Variants in CTNNA2 observed in about 807,000 individuals in gnomAD.
CTNNA2 encodes catenin alpha-2.
A neutral mutation model predicts 101.0 loss-of-function variants in CTNNA2; 42 were observed. That is an observed-to-expected ratio of 0.42 (90% CI 0.32 to 0.54). The LOEUF (loss-of-function observed/expected upper bound fraction) is 0.54. Among genes scored for constraint, CTNNA2 ranks in the 20% least tolerant of loss-of-function variants. The pLI, the probability that CTNNA2 is intolerant of heterozygous loss-of-function variation, is 0.14. For missense variants in CTNNA2, 871 were observed against 1,223.1 expected (o/e 0.71, Z 4.29); for synonymous variants, 450 against 456.4 (o/e 0.99, Z 0.18).
At chr2:79,274,240 G>A (rs1020399890) in intron 2 of CTNNA2, among the ~76,000 whole-genome samples, 2 of 151,962 alleles carry the variant, frequency 1.3e-5, no homozygotes, top group Admixed American at 1.3e-4. Context: ...TTAAAGATGA[G>A]GAAACAGGCC....
chr2:80,406,009 G>A (rs1464237544), intron 8 of CTNNA2, among the ~76,000 whole-genome samples: 1 of 152,198 alleles, frequency 6.6e-6, no homozygotes, highest in Non-Finnish European at 1.5e-5. Flanking sequence ...GCTGCCTTAA[G>A]TAGTAGCTAC....
At chr2:80,638,601 ATGCCT>A (rs1206370683) in intron 18 of CTNNA2, among the ~76,000 whole-genome samples, 1 of 152,174 alleles carries the variant, frequency 6.6e-6, no homozygotes, top group African/African-American at 2.4e-5. Flanking sequence ...GTTAGAAAGA[ATGCCT>A]TGTTTCGGGT....
chr2:79,531,812 G>A (rs1335774459), intron 1 of CTNNA2, among the ~76,000 whole-genome samples: 3 of 151,478 alleles, frequency 2.0e-5, no homozygotes, highest in African/African-American at 7.3e-5. Flanking sequence ...TTCCTGAGTT[G>A]CTGGGATTAC....
chr2:79,629,789 A>C (rs1679564954), intron 1 of CTNNA2, among the ~76,000 whole-genome samples: 3 of 151,940 alleles, frequency 2.0e-5, no homozygotes, highest in Non-Finnish European at 4.4e-5. Flanking sequence ...ACTTTTTTTA[A>C]TTTTCTGAAT....
chr2:79,356,138 A>G (rs1056354081), intron 3 of CTNNA2, among the ~76,000 whole-genome samples: 1 of 151,556 alleles, frequency 6.6e-6, no homozygotes, highest in African/African-American at 2.4e-5. Flanking sequence ...TCCTTTTTAT[A>G]TATCTATCTT....
chr2:80,614,094 T>C (rs72924596), intron 17 of CTNNA2, among the ~76,000 whole-genome samples: 1,651 of 151,650 alleles, frequency 0.011, 40 homozygotes, highest in African/African-American at 0.038. Flanking sequence ...TATCAATTAA[T>C]GCCTTAGATT....
chr2:80,383,033 C>G (rs1025140925), intron 7 of CTNNA2, among the ~76,000 whole-genome samples: 2 of 152,130 alleles, frequency 1.3e-5, no homozygotes, highest in Non-Finnish European at 2.9e-5. Flanking sequence ...TTGCTCAGTT[C>G]ATGGTCTCTT....
intron 7 of CTNNA2, among the ~76,000 whole-genome samples, chr2:80,331,096 C>A (rs1393116799): frequency 6.6e-6 from 1 of 151,184 alleles, no homozygotes; most frequent in Non-Finnish European, 1.5e-5. Context: ...TGAGAACAGT[C>A]CATTTCCACG....
intron 18 of CTNNA2, among the ~76,000 whole-genome samples, chr2:80,645,674 A>C: frequency 6.6e-6 from 1 of 151,012 alleles, no homozygotes; most frequent in East Asian, 1.9e-4. Flanking sequence ...TTTGAGAATC[A>C]CCCCACTAAT....
At chr2:79,794,306 C>T (rs1675523980) in intron 3 of CTNNA2, among the ~76,000 whole-genome samples, 1 of 151,990 alleles carries the variant, frequency 6.6e-6, no homozygotes, top group East Asian at 1.9e-4. Context: ...TGGTTTTTGC[C>T]ATTATTTTTA....
chr2:79,470,559 C>A (rs1670987155), intron 4 of CTNNA2, among the ~76,000 whole-genome samples: 1 of 152,166 alleles, frequency 6.6e-6, no homozygotes, highest in Non-Finnish European at 1.5e-5. Flanking sequence ...AAATGTCCAT[C>A]TTGAGCCAGA....
At chr2:80,298,466 T>C (rs1013017654) in intron 7 of CTNNA2, 2 of 152,322 alleles carry the variant, frequency 1.3e-5, no homozygotes, top group Non-Finnish European at 2.9e-5. Flanking sequence ...TGCCCTGTTC[T>C]ACTGGGCCAT....
chr2:80,140,819 C>T (rs1702964324), intron 7 of CTNNA2, among the ~76,000 whole-genome samples: 1 of 152,030 alleles, frequency 6.6e-6, no homozygotes, highest in Admixed American at 6.6e-5. Flanking sequence ...CAGAGAAACC[C>T]CATCATATCC....
At chr2:80,074,509 T>C (rs1404596437) in intron 7 of CTNNA2, among the ~76,000 whole-genome samples, 1 of 152,158 alleles carries the variant, frequency 6.6e-6, no homozygotes, top group African/African-American at 2.4e-5. Flanking sequence ...ACTTTCTTCA[T>C]TGTGTGTCTG....
intron 9 of CTNNA2, among the ~76,000 whole-genome samples, chr2:80,450,681 A>C (rs1683424978): frequency 6.6e-6 from 1 of 152,184 alleles, no homozygotes; most frequent in Non-Finnish European, 1.5e-5. Context: ...GGACATTCAG[A>C]TGCTTCCTTG....
At chr2:79,426,557 C>T (rs1341491591) in intron 4 of CTNNA2, among the ~76,000 whole-genome samples, 1 of 152,022 alleles carries the variant, frequency 6.6e-6, no homozygotes, top group Non-Finnish European at 1.5e-5. Flanking sequence ...GCACAGATGA[C>T]TAGGAACAAG....
intron 1 of CTNNA2, among the ~76,000 whole-genome samples, chr2:79,536,383 T>A (rs1673062408): frequency 6.6e-6 from 1 of 152,174 alleles, no homozygotes; most frequent in East Asian, 1.9e-4. Context: ...CAGTTGGCCA[T>A]CCTAGCTAAT....
intron 7 of CTNNA2, among the ~76,000 whole-genome samples, chr2:80,215,728 C>A (rs540180246): frequency 6.6e-6 from 1 of 152,184 alleles, no homozygotes; most frequent in South Asian, 2.1e-4. Flanking sequence ...CTTGAGGAGG[C>A]AGTCTGTCCG....
chr2:80,528,755 C>T (rs1690262113), intron 9 of CTNNA2, among the ~76,000 whole-genome samples: 1 of 151,818 alleles, frequency 6.6e-6, no homozygotes, highest in Admixed American at 6.6e-5. Flanking sequence ...CAAAGTAGAC[C>T]CTTTGGGAGT....
Sources: allele counts gnomAD v4.1 joint callset (sites outside exome capture counted in the v4.1 genomes callset), GRCh38; gene constraint gnomAD v4.1.1; transcripts MANE v1.5; gene names NCBI Gene and HGNC (gene_info 2026-07-23, HGNC 2026-07-21).